The following INSYN2A variants were observed in gnomAD, a reference collection of about 807,000 sequenced individuals.
INSYN2A encodes inhibitory synaptic factor 2A.
A neutral mutation model predicts 39.4 loss-of-function variants in INSYN2A; 17 were observed. The ratio of observed to expected loss-of-function variants is 0.43; its 90% CI spans 0.30 to 0.65. INSYN2A has a LOEUF of 0.65. INSYN2A is among the 30% of genes least tolerant of loss of function. INSYN2A has a pLI of 0.14. For missense variants in INSYN2A, 595 were observed against 631.2 expected (o/e 0.94, Z 0.61); for synonymous variants, 255 against 265.7 (o/e 0.96, Z 0.39).
rs962830028 is a variant in INSYN2A at position 127,137,185 on chromosome 10, C to T, written c.*652G>A. The stretch of plus-strand genomic sequence containing the variant: ...AATGAGCAGTAAACATGTCGTAAGT[C>T]TGGAGATGAAGAGGATGCTAAATTT... On this transcript the variant is annotated 3_prime_UTR_variant, in exon 6 of 6. Transcript: ENST00000522781. The T allele has an allele frequency of 2.0e-5, 3 of 152,608 alleles. No individual in the cohort carries two copies. The highest frequency in any genetic ancestry group is 4.4e-5 in the Non-Finnish European group (3 of 68,060). The allele number at this position is 152,608 out of a possible 1,614,324, so 9.5% of individuals were successfully genotyped here.
rs560064696 is a variant in INSYN2A, at chr10:127,188,168, G to T, written c.-269+4437C>A. Among the ~76,000 whole-genome samples, 40 of 152,296 alleles carry T rather than the reference G, an allele frequency of 2.6e-4. No individual in the cohort carries two copies. In the South Asian group the frequency reaches 7.9e-3, roughly 30 times the overall value. ...ATGATCACCAGCAGATCCCACACAGGCCCACAGAGTGTCTGTGCCCTGGCC... is the reference window on the plus strand; with the variant it reads ...ATGATCACCAGCAGATCCCACACAGTCCCACAGAGTGTCTGTGCCCTGGCC... On this transcript the variant is annotated intron_variant, in intron 2 of 5. Transcript: ENST00000522781.
At chr10:127,150,842 C>T (rs1162234900) in intron 5 of INSYN2A, among the ~76,000 whole-genome samples, 2 of 152,142 alleles carry the variant, frequency 1.3e-5, no homozygotes, top group African/African-American at 4.8e-5. Flanking sequence ...GGACTTTGCT[C>T]CACTTTAAAG....
chr10:127,153,172 A>G (rs1251092211), intron 5 of INSYN2A, among the ~76,000 whole-genome samples: 1 of 152,238 alleles, frequency 6.6e-6, no homozygotes, highest in Non-Finnish European at 1.5e-5. Flanking sequence ...TTGTTTGTGA[A>G]AAATTACATT....
intron 2 of INSYN2A, among the ~76,000 whole-genome samples, chr10:127,183,315 C>G (rs185228829): frequency 1.3e-5 from 2 of 152,268 alleles, no homozygotes; most frequent in Admixed American, 1.3e-4. Flanking sequence ...TGCAGTCTGT[C>G]TTTCTGGCAA....
chr10:127,156,885 A>G (rs1015488830), intron 4 of INSYN2A, among the ~76,000 whole-genome samples: 15 of 152,298 alleles, frequency 9.8e-5, no homozygotes, highest in African/African-American at 3.6e-4. Flanking sequence ...TTGCTCTTCT[A>G]AAGCCCTTCC....
chr10:127,146,071 C>A (rs2051815226), intron 5 of INSYN2A: 1 of 514,480 alleles, frequency 1.9e-6, no homozygotes. Context: ...GGACTGCGTC[C>A]CGTATTTACC....
intron 5 of INSYN2A, among the ~76,000 whole-genome samples, chr10:127,145,739 C>G: frequency 6.6e-6 from 1 of 152,170 alleles, no homozygotes; most frequent in Non-Finnish European, 1.5e-5. Context: ...GCCACCAGCC[C>G]GGAACCCTGG....
chr10:127,158,465 A>C (rs1564851387), intron 4 of INSYN2A, among the ~76,000 whole-genome samples: 1 of 152,312 alleles, frequency 6.6e-6, no homozygotes, highest in East Asian at 1.9e-4. Context: ...ACCTTTGTAA[A>C]GCACTCTTCC....
intron 4 of INSYN2A, among the ~76,000 whole-genome samples, chr10:127,156,814 C>T (rs1001054160): frequency 9.2e-5 from 14 of 152,204 alleles, no homozygotes; most frequent in South Asian, 8.3e-4. Context: ...GTGATCTTCC[C>T]GCCTCGGCCT....
In INSYN2A at chr10:127,175,428, G is replaced by C. The variant is rs758739317; in HGVS notation, c.968C>G (p.Ser323Trp). The C allele has an allele frequency of 1.2e-6, 2 of 1,612,924 alleles. No homozygotes were observed. Among genetic ancestry groups the C allele is most frequent in the Non-Finnish European group, 1.7e-6 (2 of 1,180,036 alleles). ...CLSPECSEQP[S>W]QTHTPPGLGN... ...CAGCCCCGGCGGGGTGTGAGTCTGC[G>C]ACGGCTGCTCACTACATTCGGGGGA... is the stretch of plus-strand genomic sequence containing the variant. Residue 323 changes from serine (S) to tryptophan (W), a missense_variant, in exon 4 of 6, where the codon TCG (serine) becomes TGG (tryptophan). By Grantham distance (177) the Ser-to-Trp change is radical. Around this residue, in one of 2 missense-constraint regions of INSYN2A, gnomAD observed 478 missense variants for 467.4 expected, o/e 1.02. Coordinates refer to ENST00000522781, the MANE Select transcript of INSYN2A (RefSeq NM_001039762.3). This position sits in a 1 kb window ranked among gnomAD's most constrained non-coding sequence, Gnocchi z 6.3.
chr10:127,182,118 C>T (rs1040315314), intron 2 of INSYN2A, among the ~76,000 whole-genome samples: 1 of 152,058 alleles, frequency 6.6e-6, no homozygotes, highest in Non-Finnish European at 1.5e-5. Flanking sequence ...AGATGGCACG[C>T]CCCGTTCCCT....
At chr10:127,177,758 A>G (rs2055314168) in intron 2 of INSYN2A, among the ~76,000 whole-genome samples, 1 of 152,268 alleles carries the variant, frequency 6.6e-6, no homozygotes. Context: ...CATGCGCAGC[A>G]TGGCCACTGC....
In INSYN2A at chr10:127,137,983, G is replaced by A; in HGVS notation, c.1294C>T (p.Gln432Ter). 1 of 1,612,974 alleles carries A rather than the reference G, an allele frequency of 6.2e-7. No individual in the cohort carries two copies. Among genetic ancestry groups the A allele is most frequent in the Non-Finnish European group, 8.5e-7 (1 of 1,179,812 alleles). The change falls in exon 6 of 6, where the codon CAG becomes TAG. Residue 432 changes from glutamine (Q) to a stop codon, truncating the protein, a stop_gained. Coordinates refer to ENST00000522781, the MANE Select transcript of INSYN2A (RefSeq NM_001039762.3). LOFTEE classifies it high-confidence loss of function. ...LDFKQQEDKLQPVLRKLHPIE... is the reference protein window; with the variant it reads ...LDFKQQEDKL ...GGGTGGAGTTTTCTTAGAACCGGCT[G>A]GAGTTTGTCTTCTTGCTGCTTAAAA... is the stretch of plus-strand genomic sequence containing the variant.
At position 127,175,368 on chromosome 10, in the gene INSYN2A, C is replaced by T; in HGVS notation, c.1028G>A (p.Gly343Asp). 6.2e-7 allele frequency: 1 copy of T among 1,614,070 alleles called. No homozygotes were observed. The highest frequency in any genetic ancestry group is 8.5e-7 in the Non-Finnish European group (1 of 1,180,042). ...NQPSPTAVAA[G>D]EECQRIVPHT... Reference sequence around the variant, plus strand: ...AGGCACGATTCGTTGGCATTCTTCACCTGCAGCAACCGCTGTGGGACTAGG... The same window carrying T: ...AGGCACGATTCGTTGGCATTCTTCATCTGCAGCAACCGCTGTGGGACTAGG... The change falls in exon 4 of 6, where the codon GGT becomes GAT. Residue 343 changes from glycine (G) to aspartate (D), a missense_variant. By Grantham distance (94) the Gly-to-Asp change is moderately conservative. This residue lies in a region of INSYN2A where 478 missense variants were observed against 467.4 expected (regional missense o/e 1.02). Transcript: ENST00000522781. This position sits in a 1 kb window ranked among gnomAD's most constrained non-coding sequence, Gnocchi z 6.3.
In INSYN2A at chr10:127,171,852, C is replaced by T. The variant is rs542202583; in HGVS notation, c.1184+3360G>A. On this transcript the variant is annotated intron_variant, in intron 4 of 5. Coordinates refer to ENST00000522781, the MANE Select transcript of INSYN2A (RefSeq NM_001039762.3). ...TGGAGGAGCTAGGATTACAGGTGCC[C>T]GCCACCACGCCCGACTAATGTTTGT... 3.9e-5 allele frequency among the ~76,000 whole-genome samples: 6 copies of T among 152,008 alleles called. No individual in the cohort carries two copies. In the South Asian group the frequency reaches 6.2e-4, roughly 16 times the overall value.
intron 4 of INSYN2A, among the ~76,000 whole-genome samples, chr10:127,165,036 G>A (rs1454638907): frequency 6.6e-6 from 1 of 152,138 alleles, no homozygotes; most frequent in Non-Finnish European, 1.5e-5. Flanking sequence ...GGTGGCACTG[G>A]CTATCAAACT....
chr10:127,159,290 A>G (rs2053377779), intron 4 of INSYN2A, among the ~76,000 whole-genome samples: 1 of 152,160 alleles, frequency 6.6e-6, no homozygotes, highest in Non-Finnish European at 1.5e-5. Context: ...TACAGAACAC[A>G]GCGTGGAGCT....
chr10:127,158,979 G>T (rs980575401), intron 4 of INSYN2A, among the ~76,000 whole-genome samples: 5 of 152,148 alleles, frequency 3.3e-5, no homozygotes, highest in African/African-American at 4.8e-5. Context: ...CCAATTTGGG[G>T]ACCCTGGACC....
intron 2 of INSYN2A, among the ~76,000 whole-genome samples, chr10:127,182,637 G>A (rs2055846540): frequency 6.6e-6 from 1 of 152,144 alleles, no homozygotes; most frequent in East Asian, 1.9e-4. Flanking sequence ...GAGACATTAT[G>A]TCAATGTAAA....
Sources: gnomAD v4.1 joint callset for allele counts (sites outside exome capture counted in the v4.1 genomes callset) on GRCh38, gnomAD v4.1.1 for gene constraint, gnomAD v4.1.1 regional missense constraint, Gnocchi (gnomAD v3.1) non-coding constraint, MANE v1.5 for transcripts, NCBI Gene and HGNC (gene_info 2026-07-23, HGNC 2026-07-21) for gene names.